KCNJ4: variants seen among roughly 807,000 people sequenced by gnomAD.
KCNJ4 encodes the protein potassium inwardly rectifying channel subfamily J member 4, also known as inward rectifier potassium channel 4.
KCNJ4 carries 3 observed loss-of-function variants against 25.6 expected under a neutral mutation model. The ratio of observed to expected loss-of-function variants is 0.12; its 90% CI spans 0.05 to 0.30. The LOEUF is 0.30. Ranked by LOEUF, KCNJ4 falls within the 10% of genes least tolerant of loss-of-function variation. The probability of loss-of-function intolerance (pLI) is 1.00; values close to 1 mark genes in which losing one functional copy is unlikely to be tolerated. For synonymous variants in KCNJ4, 257 were observed against 283.9 expected, an observed-to-expected ratio of 0.91 and a Z score of 0.95; for missense variants, 286 against 666.8, an observed-to-expected ratio of 0.43 and a Z score of 6.29.
chr22:38,438,645 C>T (rs192345797), intron 1 of KCNJ4, among the ~76,000 whole-genome samples: 7 of 144,784 alleles, frequency 4.8e-5, no homozygotes, highest in South Asian at 2.2e-4. Context: ...GCTGAGATCG[C>T]GCCACTGCAC....
chr22:38,436,611 C>A (rs1393505071), intron 1 of KCNJ4, among the ~76,000 whole-genome samples: 1 of 152,194 alleles, frequency 6.6e-6, no homozygotes, highest in Non-Finnish European at 1.5e-5. Flanking sequence ...TTCTTCTGGA[C>A]CACGAAATCC....
chr22:38,427,153 C>T lies in KCNJ4; in HGVS notation c.980G>A (p.Ser327Asn), dbSNP rs1242265731. 8 of 1,613,216 alleles carry T rather than the reference C, an allele frequency of 5.0e-6. No individual in the cohort carries two copies. Among genetic ancestry groups the T allele is most frequent in the Non-Finnish European group, 6.8e-6 (8 of 1,180,014 alleles). ...ACGTGAGTAGTCCACCTTGTAGTGG[C>T]TCTTCTCCTCGAAGACCACAGGCTC... is the stretch of plus-strand genomic sequence containing the variant. ...RFEPVVFEEK[S>N]HYKVDYSRFH... Residue 327 changes from serine to asparagine, a missense_variant, in exon 2 of 2, where the codon AGC (serine) becomes AAC (asparagine). By Grantham distance (46) the Ser-to-Asn change is conservative (BLOSUM62 1). This residue lies in a region of KCNJ4 where 36 missense variants were observed against 100.1 expected (regional missense o/e 0.36). Coordinates refer to ENST00000303592, the MANE Select transcript of KCNJ4 (RefSeq NM_152868.3).
At chr22:38,441,080 G>A (rs2089328927) in intron 1 of KCNJ4, among the ~76,000 whole-genome samples, 2 of 152,178 alleles carry the variant, frequency 1.3e-5, no homozygotes, top group African/African-American at 4.8e-5. Flanking sequence ...CCACAGATGG[G>A]AGAGAAGCTG....
intron 1 of KCNJ4, among the ~76,000 whole-genome samples, chr22:38,442,675 T>C (rs575184433): frequency 6.6e-6 from 1 of 152,194 alleles, no homozygotes; most frequent in South Asian, 2.1e-4. Flanking sequence ...TAACACCCAG[T>C]GAACAGGCAT....
At chr22:38,444,270 A>G (rs1211296341) in intron 1 of KCNJ4, among the ~76,000 whole-genome samples, 1 of 152,224 alleles carries the variant, frequency 6.6e-6, no homozygotes, top group Non-Finnish European at 1.5e-5. Flanking sequence ...AACGACTGAC[A>G]AACAAGATAA....
intron 1 of KCNJ4, among the ~76,000 whole-genome samples, chr22:38,430,957 C>T (rs1001921289): frequency 3.9e-5 from 6 of 152,244 alleles, no homozygotes; most frequent in Non-Finnish European, 1.5e-5. Context: ...CAGAGCTCCT[C>T]ATCCACTTCC....
chr22:38,433,696 C>T (rs1156919032), intron 1 of KCNJ4, among the ~76,000 whole-genome samples: 3 of 152,056 alleles, frequency 2.0e-5, no homozygotes, highest in South Asian at 2.1e-4. Flanking sequence ...CTGGGGAAAC[C>T]GAGGCCAAGA....
At chr22:38,430,712 T>C (rs1321621247) in intron 1 of KCNJ4, among the ~76,000 whole-genome samples, 1 of 152,130 alleles carries the variant, frequency 6.6e-6, no homozygotes, top group African/African-American at 2.4e-5. Context: ...GCTCTGTAAA[T>C]AGAGTTTTCA....
chr22:38,434,524 A>T (rs2093059859), intron 1 of KCNJ4, among the ~76,000 whole-genome samples: 1 of 152,144 alleles, frequency 6.6e-6, no homozygotes, highest in Non-Finnish European at 1.5e-5. Context: ...TTGAGGGGTG[A>T]TGCTGAGCTT....
In KCNJ4 at chr22:38,427,846, G is replaced by A. The variant is rs750087094; in HGVS notation, c.287C>T (p.Ala96Val). 1.1e-5 allele frequency: 17 copies of A among 1,609,722 alleles called. No homozygotes were observed. The East Asian group carries it at 1.8e-4, about 17-fold the overall frequency. The change falls in exon 2 of 2, where the codon GCG becomes GTG. Residue 96 changes from alanine to valine, a missense_variant. This residue lies in a region of KCNJ4 where 22 missense variants were observed against 25.8 expected (regional missense o/e 0.85). Coordinates refer to ENST00000303592, the MANE Select transcript of KCNJ4 (RefSeq NM_152868.3). ...GCCACCACCCGCCGCCGGGCCCCCCGCCGCAGGCACCCCTGGGCTGGCCTC... is the reference window on the plus strand; with the variant it reads ...GCCACCACCCGCCGCCGGGCCCCCCACCGCAGGCACCCCTGGGCTGGCCTC... ...DLEASPGVPA[A>V]GGPAAGGGGA...
At chr22:38,442,082 C>T (rs777618000) in intron 1 of KCNJ4, among the ~76,000 whole-genome samples, 28 of 151,910 alleles carry the variant, frequency 1.8e-4, no homozygotes, top group Non-Finnish European at 3.1e-4. Flanking sequence ...TTGGCTGCTC[C>T]GGGGAGGGAA....
At chr22:38,450,936 C>T (rs1046708740) in intron 1 of KCNJ4, among the ~76,000 whole-genome samples, 7 of 152,116 alleles carry the variant, frequency 4.6e-5, no homozygotes, top group East Asian at 1.9e-4. Flanking sequence ...AGACAGCCCC[C>T]GAGAATCAGA....
At chr22:38,431,438 G>A (rs1223925487) in intron 1 of KCNJ4, among the ~76,000 whole-genome samples, 1 of 152,206 alleles carries the variant, frequency 6.6e-6, no homozygotes, top group Non-Finnish European at 1.5e-5. Flanking sequence ...CCAGCCCACT[G>A]GCCTCCACAG....
At chr22:38,436,129 C>A (rs1007691715) in intron 1 of KCNJ4, among the ~76,000 whole-genome samples, 5 of 152,172 alleles carry the variant, frequency 3.3e-5, no homozygotes, top group Admixed American at 3.3e-4. Flanking sequence ...CTCTCTAGTC[C>A]CTGCATGCCC....
intron 1 of KCNJ4, among the ~76,000 whole-genome samples, chr22:38,436,205 T>C (rs1160494709): frequency 6.6e-6 from 1 of 152,242 alleles, no homozygotes; most frequent in African/African-American, 2.4e-5. Context: ...AATGGGATCA[T>C]GCACACCACG....
chr22:38,451,636 G>A (rs1048666396), intron 1 of KCNJ4, among the ~76,000 whole-genome samples: 2 of 152,186 alleles, frequency 1.3e-5, no homozygotes, highest in African/African-American at 4.8e-5. Flanking sequence ...CTGTCTGTCT[G>A]CTTCCAGATA....
Position 38,427,131 on chromosome 22 carries a change from T to C in KCNJ4, c.1002A>G (p.Ser334=), listed in dbSNP as rs196059. 1,052,630 of 1,612,554 alleles carry C rather than the reference T, an allele frequency of 0.65. 350,395 individuals are homozygous for C. The highest frequency in any genetic ancestry group is 0.95 in the East Asian group (42,400 of 44,846). The change falls in exon 2 of 2, where the codon TCA becomes TCG. Residue 334 remains serine (S), a synonymous_variant. Coordinates refer to ENST00000303592, the MANE Select transcript of KCNJ4 (RefSeq NM_152868.3). ...EEKSHYKVDY[S]RFHKTYEVAG... ...CCACCTCGTAGGTCTTGTGAAAACG[T>C]GAGTAGTCCACCTTGTAGTGGCTCT... is the stretch of plus-strand genomic sequence containing the variant.
chr22:38,452,947 G>A (rs1031149732), intron 1 of KCNJ4, among the ~76,000 whole-genome samples: 19 of 151,598 alleles, frequency 1.3e-4, no homozygotes, highest in African/African-American at 4.6e-4. Context: ...CATGTTGCCG[G>A]TTGTCATGTC....
At chr22:38,442,768 A>G (rs978147709) in intron 1 of KCNJ4, among the ~76,000 whole-genome samples, 1 of 152,016 alleles carries the variant, frequency 6.6e-6, no homozygotes, top group African/African-American at 2.4e-5. Context: ...TTTTTGAGGC[A>G]GGGTCTCGCT....
Sources: allele counts gnomAD v4.1 joint callset (sites outside exome capture counted in the v4.1 genomes callset), GRCh38; gene constraint gnomAD v4.1.1; regional missense constraint gnomAD v4.1.1; transcripts MANE v1.5; gene names NCBI Gene and HGNC (gene_info 2026-07-23, HGNC 2026-07-21).